Variants in C19orf47 observed in about 807,000 individuals in gnomAD.
C19orf47 encodes uncharacterized protein C19orf47.
A neutral mutation model predicts 32.3 loss-of-function variants in C19orf47; 18 were observed. That is an observed-to-expected ratio of 0.56 (90% confidence interval 0.39 to 0.83). The LOEUF is 0.83. Among genes scored for constraint, C19orf47 ranks in the 40% least tolerant of loss-of-function variants. The probability of loss-of-function intolerance (pLI) is 0.00; values close to 1 mark genes in which losing one functional copy is unlikely to be tolerated. For missense variants in C19orf47, 484 were observed against 531.6 expected (o/e 0.91, Z 0.88); for synonymous variants, 202 against 211.1 (o/e 0.96, Z 0.37).
intron 6 of C19orf47, 28 bp downstream of exon 6, chr19:40,328,385 C>T: frequency 8.7e-6 from 14 of 1,609,608 alleles, no homozygotes; most frequent in Non-Finnish European, 1.2e-5. Context: ...CCTCCAGCTC[C>T]TCCTACCACC....
intron 8 of C19orf47, among the ~76,000 whole-genome samples, chr19:40,322,865 TG>T (rs1397080069): frequency 1.1e-4 from 16 of 152,270 alleles, no homozygotes; most frequent in African/African-American, 3.9e-4. Flanking sequence ...AAGACAGGCT[TG>T]GCATCAGAAA....
the C19orf47 span, among the ~76,000 whole-genome samples, chr19:40,314,318 C>T: frequency 1.3e-5 from 2 of 152,092 alleles, no homozygotes; most frequent in South Asian, 2.1e-4. Context: ...ATCCCAGCTA[C>T]TCAGGAGGCT....
chr19:40,298,912 TG>T, the C19orf47 span, among the ~76,000 whole-genome samples: 1 of 12,246 alleles, frequency 8.2e-5, no homozygotes, highest in Non-Finnish European at 1.6e-4. Context: ...CAAAATTGAG[TG>T]AATTTATTAT....
chr19:40,336,232 G>C lies in C19orf47; in HGVS notation c.108-8C>G, dbSNP rs1206568473. ...AGCATGCTCTTCTGAATCCTGCAGG[G>C]AAAGGTCAGTGGTGAGGCCCCAGGT... On this transcript the variant is annotated splice_polypyrimidine_tract_variant and splice_region_variant and intron_variant, in intron 3 of 8. Coordinates refer to ENST00000683109, the MANE Select transcript of C19orf47 (RefSeq NM_001256441.2). The C allele has an allele frequency of 6.2e-7, 1 of 1,614,110 alleles. No individual in the cohort carries two copies. The highest frequency in any genetic ancestry group is 8.5e-7 in the Non-Finnish European group (1 of 1,179,926).
chr19:40,325,877 CA>C (rs545167410), intron 7 of C19orf47, among the ~76,000 whole-genome samples: 2 of 152,192 alleles, frequency 1.3e-5, no homozygotes, highest in Non-Finnish European at 2.9e-5. Context: ...TAGGCTCAAG[CA>C]ATCTTCCCAC....
At chr19:40,313,419 C>T in the C19orf47 span, among the ~76,000 whole-genome samples, 1 of 152,016 alleles carries the variant, frequency 6.6e-6, no homozygotes, top group Admixed American at 6.6e-5. Context: ...CTACCTGTTG[C>T]GCTCAAGTGA....
intron 2 of C19orf47, among the ~76,000 whole-genome samples, chr19:40,337,992 T>C (rs2078099235): frequency 1.3e-5 from 2 of 152,138 alleles, no homozygotes; most frequent in African/African-American, 4.8e-5. Flanking sequence ...TCCATGTATA[T>C]GAAGTGTCTA....
chr19:40,348,015 A>C (rs1206720734), intron 1 of C19orf47, among the ~76,000 whole-genome samples: 3 of 152,166 alleles, frequency 2.0e-5, no homozygotes, highest in Non-Finnish European at 2.9e-5. Flanking sequence ...TTCCAAACCC[A>C]ACAATTTTTC....
intron 1 of C19orf47, among the ~76,000 whole-genome samples, chr19:40,346,718 G>A (rs927190806): frequency 1.8e-4 from 28 of 151,724 alleles, no homozygotes; most frequent in African/African-American, 6.8e-4. Context: ...AGTAGAGACG[G>A]GGTTTCACCG....
chr19:40,328,487 C>T lies in C19orf47; in HGVS notation c.365G>A (p.Arg122His), dbSNP rs9973304. The change falls in exon 6 of 9, where the codon CGC becomes CAC. Residue 122 changes from arginine (R) to histidine (H), a missense_variant. Arg to His is a conservative substitution (Grantham distance 29, BLOSUM62 0). This residue lies in a region of C19orf47 where 376 missense variants were observed against 370.2 expected (regional missense o/e 1.02). Coordinates refer to ENST00000683109, the MANE Select transcript of C19orf47 (RefSeq NM_001256441.2). ...HDSPPSTPPR[R>H]PDTSTSKISV... ...GATCTTGGAGGTGCTGGTGTCCGGG[C>T]GCCTGGGGGGTGTGCTGGGTGGAGA... The T allele has an allele frequency of 3.1e-3, 4,938 of 1,611,788 alleles. 23 individuals are homozygous for T. Among genetic ancestry groups the T allele is most frequent in the African/African-American group, 0.021 (1,604 of 74,866 alleles).
At chr19:40,329,487 C>T (rs1174953864) in intron 5 of C19orf47, among the ~76,000 whole-genome samples, 1 of 152,118 alleles carries the variant, frequency 6.6e-6, no homozygotes, top group East Asian at 1.9e-4. Flanking sequence ...GCCTGGGCAA[C>T]AGAGTGAAAC....
chr19:40,293,819 C>T, the C19orf47 span, among the ~76,000 whole-genome samples: 15 of 152,092 alleles, frequency 9.9e-5, no homozygotes, highest in South Asian at 4.1e-4. Context: ...AGCCAAAGAA[C>T]TTAGAAGCAT....
At chr19:40,335,028 A>AGGAGGGAAGGAGGGAGGGAG (rs2078033553) in intron 4 of C19orf47, 1 of 65,522 alleles carries the variant, frequency 1.5e-5, no homozygotes, top group Non-Finnish European at 2.8e-5. Flanking sequence ...GAGGAAGGGA[A>AGGAGGGAAGGAGGGAGGGAG]GGAGGGAAGG....
downstream of C19orf47, among the ~76,000 whole-genome samples, chr19:40,318,959 C>T (rs1299165818): frequency 6.6e-6 from 1 of 152,178 alleles, no homozygotes; most frequent in African/African-American, 2.4e-5. Context: ...CTTAATGCCA[C>T]TGAATGGTAC....
intron 4 of C19orf47, 108 bp downstream of exon 4, chr19:40,336,002 G>A: frequency 1.1e-6 from 1 of 923,392 alleles, no homozygotes; most frequent in Non-Finnish European, 1.7e-6. Context: ...AACCAGCCCT[G>A]GAACCTGGGT....
At position 40,321,727 on chromosome 19, in the gene C19orf47, G is replaced by T. The variant is rs2077721135; in HGVS notation, c.*155C>A. The T allele has an allele frequency of 7.0e-7, 1 of 1,429,394 alleles. No individual in the cohort carries two copies. Among genetic ancestry groups the T allele is most frequent in the African/African-American group, 1.4e-5 (1 of 69,636 alleles). The allele number at this position is 1,429,394 out of a possible 1,614,324, so 88.5% of individuals were successfully genotyped here. On this transcript the variant is annotated 3_prime_UTR_variant, in exon 9 of 9. Coordinates refer to ENST00000683109, the MANE Select transcript of C19orf47 (RefSeq NM_001256441.2). ...GACCATCCCAGGCTAGGAGAAATGG[G>T]GTGATCCCCCGAATGCTCGGGCCTA...
chr19:40,311,379 CA>C, the C19orf47 span, among the ~76,000 whole-genome samples: 88 of 139,124 alleles, frequency 6.3e-4, no homozygotes, highest in Middle Eastern at 3.8e-3. Context: ...AACTCGGTCT[CA>C]AAAAAAAAAA....
intron 1 of C19orf47, among the ~76,000 whole-genome samples, chr19:40,346,372 G>A (rs1008918215): frequency 4.0e-5 from 6 of 149,176 alleles, no homozygotes; most frequent in Non-Finnish European, 8.9e-5. Flanking sequence ...AAGCCCGGGA[G>A]GCAGAGGTTG....
At chr19:40,293,983 G>A in the C19orf47 span, among the ~76,000 whole-genome samples, 2 of 152,016 alleles carry the variant, frequency 1.3e-5, no homozygotes, top group East Asian at 3.9e-4. Flanking sequence ...AGCAAAGCAT[G>A]GTGGCACATG....
Sources: allele counts gnomAD v4.1 joint callset (sites outside exome capture counted in the v4.1 genomes callset), GRCh38; gene constraint gnomAD v4.1.1; regional missense constraint gnomAD v4.1.1; transcripts MANE v1.5; gene names NCBI Gene and HGNC (gene_info 2026-07-23, HGNC 2026-07-21).